The following GALNT13 variants were observed in gnomAD, a reference collection of about 807,000 sequenced individuals.
The protein encoded by GALNT13 is UDP-GalNAc:polypeptide N-acetylgalactosaminyltransferase 13.
GALNT13 carries 28 observed loss-of-function variants against 64.2 expected under a neutral mutation model. The observed-to-expected ratio is 0.44, with a 90% confidence interval of 0.32 to 0.60. The LOEUF is 0.60. Ranked by LOEUF, GALNT13 falls within the 20% of genes least tolerant of loss-of-function variation. The pLI is 0.05. For missense variants in GALNT13, 577 were observed against 669.8 expected (o/e 0.86, Z 1.53); for synonymous variants, 214 against 224.6 (o/e 0.95, Z 0.42).
chr2:154,427,270 G>A (rs1700513555), intron 11 of GALNT13, among the ~76,000 whole-genome samples: 1 of 152,176 alleles, frequency 6.6e-6, no homozygotes, highest in Non-Finnish European at 1.5e-5. Context: ...TTAGGTTTGT[G>A]TAATCTTCTA....
At chr2:153,666,082 G>T in the GALNT13 span, among the ~76,000 whole-genome samples, 3 of 152,042 alleles carry the variant, frequency 2.0e-5, no homozygotes, top group African/African-American at 4.8e-5. Context: ...TGGGGTGCCT[G>T]CCTGGCCATG....
chr2:153,175,168 C>T, the GALNT13 span, among the ~76,000 whole-genome samples: 19,490 of 152,080 alleles, frequency 0.13, 1,329 homozygotes, highest in Middle Eastern at 0.22. Context: ...TTCACCTAAT[C>T]CTGAGGTTTT....
chr2:153,257,291 A>G, the GALNT13 span, among the ~76,000 whole-genome samples: 1 of 152,084 alleles, frequency 6.6e-6, no homozygotes, highest in Non-Finnish European at 1.5e-5. Flanking sequence ...AAGTGAGGCA[A>G]TGCCTCGCCC....
chr2:153,449,229 G>A, the GALNT13 span, among the ~76,000 whole-genome samples: 1 of 152,118 alleles, frequency 6.6e-6, no homozygotes, highest in East Asian at 1.9e-4. Flanking sequence ...TGCTTTTTAA[G>A]TTACCCAGTC....
At chr2:154,401,102 G>A (rs529214421) in intron 10 of GALNT13, among the ~76,000 whole-genome samples, 4 of 152,152 alleles carry the variant, frequency 2.6e-5, no homozygotes, top group East Asian at 3.9e-4. Flanking sequence ...ACTTAACCTC[G>A]GGGTTTCTTT....
At chr2:153,962,027 G>T (rs776094540) in intron 3 of GALNT13, among the ~76,000 whole-genome samples, 1 of 152,068 alleles carries the variant, frequency 6.6e-6, no homozygotes, top group Non-Finnish European at 1.5e-5. Context: ...TTATATATAT[G>T]ATTAAGAAAC....
intron 9 of GALNT13, among the ~76,000 whole-genome samples, chr2:154,321,211 G>A (rs1694604512): frequency 1.3e-5 from 2 of 152,106 alleles, no homozygotes; most frequent in African/African-American, 4.8e-5. Context: ...TCAGGGGTCA[G>A]CCTGGCTACA....
the GALNT13 span, among the ~76,000 whole-genome samples, chr2:153,397,164 G>A: frequency 6.6e-6 from 1 of 152,170 alleles, no homozygotes; most frequent in African/African-American, 2.4e-5. Flanking sequence ...AGCATCTGCT[G>A]TAATGACAAA....
At chr2:153,206,004 G>A in the GALNT13 span, among the ~76,000 whole-genome samples, 1 of 151,574 alleles carries the variant, frequency 6.6e-6, no homozygotes, top group African/African-American at 2.4e-5. Context: ...AATAATTGTT[G>A]AATAAAAGTG....
intron 9 of GALNT13, among the ~76,000 whole-genome samples, chr2:154,354,048 C>G (rs1696570048): frequency 6.6e-6 from 1 of 152,160 alleles, no homozygotes; most frequent in African/African-American, 2.4e-5. Context: ...GGGTTTTCTT[C>G]TCTCTACCCC....
At chr2:153,970,209 G>T (rs1169224930) in intron 3 of GALNT13, among the ~76,000 whole-genome samples, 2 of 152,182 alleles carry the variant, frequency 1.3e-5, no homozygotes, top group Non-Finnish European at 2.9e-5. Flanking sequence ...TTTTCACCAT[G>T]ACTTCATCAG....
intron 4 of GALNT13, among the ~76,000 whole-genome samples, chr2:154,168,280 T>C (rs73965404): frequency 1.4e-4 from 22 of 152,218 alleles, no homozygotes; most frequent in African/African-American, 4.8e-4. Flanking sequence ...GACATGATGC[T>C]TCACTTTAAA....
the GALNT13 span, among the ~76,000 whole-genome samples, chr2:153,637,166 G>T: frequency 1.8e-4 from 27 of 151,946 alleles, no homozygotes; most frequent in Non-Finnish European, 2.9e-4. Context: ...ATATATCTCT[G>T]GTCATATACC....
chr2:153,744,398 T>C, the GALNT13 span, among the ~76,000 whole-genome samples: 970 of 152,322 alleles, frequency 6.4e-3, 6 homozygotes, highest in Middle Eastern at 0.02. Flanking sequence ...TATCTCATTA[T>C]AGTTTTGATT....
At chr2:154,372,806 A>G (rs1044250116) in intron 9 of GALNT13, among the ~76,000 whole-genome samples, 6 of 93,006 alleles carry the variant, frequency 6.5e-5, no homozygotes, top group South Asian at 3.0e-4. Context: ...CACAGTGTGC[A>G]TACATTGCTC....
At chr2:153,915,965 T>G (rs1444677) in intron 2 of GALNT13, among the ~76,000 whole-genome samples, 1 of 151,876 alleles carries the variant, frequency 6.6e-6, no homozygotes, top group African/African-American at 2.4e-5. Context: ...CACACAACTG[T>G]TTTGTTGGTT....
At chr2:154,447,623 A>C (rs182300834) in intron 12 of GALNT13, among the ~76,000 whole-genome samples, 3 of 152,004 alleles carry the variant, frequency 2.0e-5, no homozygotes, top group Non-Finnish European at 4.4e-5. Context: ...CAGATGAACC[A>C]CTTAAAGATT....
the GALNT13 span, among the ~76,000 whole-genome samples, chr2:153,091,955 A>G: frequency 1.3e-5 from 2 of 152,014 alleles, no homozygotes; most frequent in Non-Finnish European, 2.9e-5. Context: ...ATGTTTTCTG[A>G]TAGTAGTTTT....
chr2:154,145,094 A>ATC (rs1359048904), intron 4 of GALNT13, among the ~76,000 whole-genome samples: 1 of 124,698 alleles, frequency 8.0e-6, no homozygotes, highest in African/African-American at 2.9e-5. Flanking sequence ...CTATCTATCT[A>ATC]TCTATCTATA....
Sources: allele counts gnomAD v4.1 joint callset (sites outside exome capture counted in the v4.1 genomes callset), GRCh38; gene constraint gnomAD v4.1.1; transcripts MANE v1.5; gene names NCBI Gene and HGNC (gene_info 2026-07-23, HGNC 2026-07-21).